Variants in CACNA1C observed in about 807,000 individuals in gnomAD.
CACNA1C encodes the protein voltage-dependent L-type calcium channel subunit alpha-1C.
Under a neutral mutation model 229.0 loss-of-function variants are expected in CACNA1C, and 30 were observed. The ratio of observed to expected loss-of-function variants is 0.13; its 90% CI spans 0.10 to 0.18. The LOEUF (loss-of-function observed/expected upper bound fraction) is 0.18. Ranked by LOEUF, CACNA1C falls within the 10% of genes least tolerant of loss-of-function variation. The pLI, the probability that CACNA1C is intolerant of heterozygous loss-of-function variation, is 1.00. For synonymous variants in CACNA1C, 1,114 were observed against 1,132.5 expected (o/e 0.98, Z 0.33); for missense variants, 1,658 against 2,845.0 (o/e 0.58, Z 9.49).
chr12:2,000,775 G>A (rs559829629), intron 1 of CACNA1C, among the ~76,000 whole-genome samples: 35 of 152,308 alleles, frequency 2.3e-4, no homozygotes, highest in Admixed American at 1.3e-3. Context: ...AGGGGCTCAC[G>A]CCTGTAACCC....
In CACNA1C at chr12:2,679,882, G is replaced by T; in HGVS notation, c.5444+86G>T. Reference sequence around the variant, plus strand: ...AGACAGTGGAGGAGACGGAGGCCTCGGCCAGCCACTTGTCCCTCAAGCTTC... The same window carrying T: ...AGACAGTGGAGGAGACGGAGGCCTCTGCCAGCCACTTGTCCCTCAAGCTTC... On this transcript the variant is annotated intron_variant, in intron 42 of 46. Transcript: ENST00000399655. The surrounding 1 kb of genome is among the most constrained non-coding windows in gnomAD (Gnocchi z 5.5). 1 of 972,928 alleles carries T rather than the reference G, an allele frequency of 1.0e-6. No homozygotes were observed. The highest frequency in any genetic ancestry group is 1.7e-5 in the South Asian group (1 of 58,302). 60.3% of individuals were successfully genotyped at this position (972,928 alleles called of 1,614,324 possible). A position where few individuals can be genotyped will look rare whatever the true frequency, so the allele number is the denominator to read the frequency against.
chr12:2,480,192 G>C (rs1439175804), intron 5 of CACNA1C, among the ~76,000 whole-genome samples: 2 of 152,178 alleles, frequency 1.3e-5, no homozygotes, highest in East Asian at 3.9e-4. Context: ...AAAGCCAGGA[G>C]GAGCATGGGG....
At chr12:2,232,249 T>TTTTTTTTTTTTTTTTTG (rs2065578545) in intron 3 of CACNA1C, among the ~76,000 whole-genome samples, 1 of 132,890 alleles carries the variant, frequency 7.5e-6, no homozygotes, top group African/African-American at 3.0e-5. Flanking sequence ...TTTTTTTTTT[T>TTTTTTTTTTTTTTTTTG]TTTGTTTGTT....
Position 2,067,662 on chromosome 12 carries a change from G to C in CACNA1C, c.49+14051G>C, listed in dbSNP as rs2059889954. ...AAGGAAGCAGGGGATGGGAGGACTG[G>C]TGGAGGTGGACGTCAGACACCAGGC... On this transcript the variant is annotated intron_variant, in intron 1 of 46. Transcript: ENST00000399655. This position sits in a 1 kb window ranked among gnomAD's most constrained non-coding sequence, Gnocchi z 5.3. Among the ~76,000 whole-genome samples the C allele has an allele frequency of 6.6e-6, 1 of 152,148 alleles. No homozygotes were observed.
At chr12:2,139,975 G>T (rs2093981983) in intron 3 of CACNA1C, among the ~76,000 whole-genome samples, 1 of 151,048 alleles carries the variant, frequency 6.6e-6, no homozygotes, top group African/African-American at 2.4e-5. Context: ...AGGGGTCTCA[G>T]CAGGGGCTTA....
At chr12:2,458,571 C>G (rs1445110970) in intron 5 of CACNA1C, among the ~76,000 whole-genome samples, 1 of 152,156 alleles carries the variant, frequency 6.6e-6, no homozygotes, top group African/African-American at 2.4e-5. Flanking sequence ...CAGTTCAGCT[C>G]CAGTAGATTT....
At chr12:2,598,288 A>T (rs992646002) in intron 21 of CACNA1C, among the ~76,000 whole-genome samples, 1 of 152,202 alleles carries the variant, frequency 6.6e-6, no homozygotes, top group African/African-American at 2.4e-5. Flanking sequence ...AGTTCTGCTA[A>T]GGGAACTGCT....
chr12:2,019,181 G>C (rs1267257202), intron 1 of CACNA1C, among the ~76,000 whole-genome samples: 1 of 152,146 alleles, frequency 6.6e-6, no homozygotes, highest in Non-Finnish European at 1.5e-5. Flanking sequence ...GGAATCTGGG[G>C]CTGGGTACAG....
chr12:2,256,780 G>T (rs2078062987), intron 3 of CACNA1C, among the ~76,000 whole-genome samples: 1 of 152,146 alleles, frequency 6.6e-6, no homozygotes, highest in Non-Finnish European at 1.5e-5. Flanking sequence ...GAAAAATTCA[G>T]GAGATTCAGG....
At chr12:2,418,609 A>C (rs1405302329) in intron 3 of CACNA1C, among the ~76,000 whole-genome samples, 1 of 152,156 alleles carries the variant, frequency 6.6e-6, no homozygotes, top group Non-Finnish European at 1.5e-5. Context: ...CCAGTTATGC[A>C]CCACAAGGAC....
At chr12:1,983,379 C>G (rs11062041) in intron 1 of CACNA1C, among the ~76,000 whole-genome samples, 48,659 of 151,698 alleles carry the variant, frequency 0.32, 8,077 homozygotes, top group East Asian at 0.51. Flanking sequence ...GTATTTGATG[C>G]TATAAATTTC....
At chr12:2,209,475 C>T (rs968367181) in intron 3 of CACNA1C, among the ~76,000 whole-genome samples, 4 of 152,122 alleles carry the variant, frequency 2.6e-5, no homozygotes, top group East Asian at 1.9e-4. Context: ...GGGGGAGGCA[C>T]GCCCGTGGCT....
intron 4 of CACNA1C, among the ~76,000 whole-genome samples, chr12:2,452,954 C>A (rs2099391864): frequency 1.3e-5 from 2 of 152,156 alleles, no homozygotes; most frequent in African/African-American, 4.8e-5. Context: ...GAAAGAAGCC[C>A]ACTCCCCCAT....
At position 1,995,122 on chromosome 12, in the gene CACNA1C, T is replaced by TA. The variant is rs1286998968; in HGVS notation, c.139+23922dup. Among the ~76,000 whole-genome samples the TA allele has an allele frequency of 2.0e-5, 3 of 152,278 alleles. No homozygotes were observed. The South Asian group carries it at 6.2e-4, about 32-fold the overall frequency. ...TTAATTGAGAGTTCCATTAGAGACTTAGAGTATAGTAAGAAATCCTTGAAA... is the reference window on the plus strand; with the variant it reads ...TTAATTGAGAGTTCCATTAGAGACTTAAGAGTATAGTAAGAAATCCTTGAAA... On this transcript the variant is annotated intron_variant, in intron 1 of 46. Coordinates refer to the CACNA1C transcript ENST00000682462.
At position 2,097,176 on chromosome 12, in the gene CACNA1C, T is replaced by C. The variant is rs542666205; in HGVS notation, c.50-18048T>C. ...TATTTATTTTTTTGAGATGGAGTCT[T>C]GCTCTGTCACCCAGGCTGGAGTGCA... On this transcript the variant is annotated intron_variant, in intron 1 of 46. Coordinates refer to ENST00000399655, the MANE Select transcript of CACNA1C (RefSeq NM_000719.7). Among the ~76,000 whole-genome samples the C allele has an allele frequency of 4.8e-4, 73 of 152,240 alleles. 1 individual carries two copies. In the Middle Eastern group the frequency reaches 0.024, roughly 50 times the overall value.
chr12:2,172,740 A>G (rs1001088438), intron 3 of CACNA1C, among the ~76,000 whole-genome samples: 1 of 152,364 alleles, frequency 6.6e-6, no homozygotes, highest in South Asian at 2.1e-4. Flanking sequence ...CGTCACAGAA[A>G]GGAGATGAGG....
At chr12:2,064,553 A>G (rs1293291770) in intron 1 of CACNA1C, among the ~76,000 whole-genome samples, 1 of 152,184 alleles carries the variant, frequency 6.6e-6, no homozygotes, top group Admixed American at 6.5e-5. Flanking sequence ...GCAGCTTCCC[A>G]GGGCTCTCAC....
At position 2,108,668 on chromosome 12, in the gene CACNA1C, A is replaced by G. The variant is rs1262200329; in HGVS notation, c.50-6556A>G. Among the ~76,000 whole-genome samples the G allele has an allele frequency of 1.3e-5, 2 of 152,216 alleles. No individual in the cohort carries two copies. Among genetic ancestry groups the G allele is most frequent in the Non-Finnish European group, 2.9e-5 (2 of 68,040 alleles). ...GCCTCCCACCCACCACATGGTGCTC[A>G]GCACACACCATCCTTCCAGAGAGGA... On this transcript the variant is annotated intron_variant, in intron 1 of 46. Coordinates refer to ENST00000399655, the MANE Select transcript of CACNA1C (RefSeq NM_000719.7). This position sits in a 1 kb window ranked among gnomAD's most constrained non-coding sequence, Gnocchi z 5.3.
intron 13 of CACNA1C, among the ~76,000 whole-genome samples, chr12:2,572,590 TTCTCC>T (rs2056185026): frequency 2.4e-5 from 2 of 84,896 alleles, no homozygotes; most frequent in African/African-American, 4.6e-5. Flanking sequence ...CTCCTCCTCC[TTCTCC>T]TCTCCTCCTC....
Sources: gnomAD v4.1 joint callset for allele counts (sites outside exome capture counted in the v4.1 genomes callset) on GRCh38, gnomAD v4.1.1 for gene constraint, Gnocchi (gnomAD v3.1) non-coding constraint, MANE v1.5 for transcripts, NCBI Gene and HGNC (gene_info 2026-07-23, HGNC 2026-07-21) for gene names.